The following CRACD variants were observed in gnomAD, a reference collection of about 807,000 sequenced individuals.
CRACD encodes capping protein inhibiting regulator of actin dynamics.
Under a neutral mutation model 106.8 loss-of-function variants are expected in CRACD, and 56 were observed. That is an observed-to-expected ratio of 0.52 (90% CI 0.42 to 0.66). The LOEUF (loss-of-function observed/expected upper bound fraction) is 0.66. Ranked by LOEUF, CRACD falls within the 30% of genes least tolerant of loss-of-function variation. CRACD has a pLI of 0.00. For synonymous variants in CRACD, 754 were observed against 670.8 expected (o/e 1.12, Z -1.92); for missense variants, 1,730 against 1,623.2 (o/e 1.07, Z -1.13).
At chr4:56,254,985 G>A (rs1741265434) in intron 2 of CRACD, among the ~76,000 whole-genome samples, 1 of 151,394 alleles carries the variant, frequency 6.6e-6, no homozygotes, top group Admixed American at 6.6e-5. Flanking sequence ...GTAGTGGCAG[G>A]CACCTATAGT....
rs369027870 is a variant in CRACD, at chr4:56,231,767, T to C, written c.-188-40554T>C. 3.3e-5 allele frequency among the ~76,000 whole-genome samples: 5 copies of C among 152,342 alleles called. No homozygotes were observed. The East Asian group carries it at 5.8e-4, about 18-fold the overall frequency. On this transcript the variant is annotated intron_variant, in intron 2 of 10. Transcript: ENST00000682029. ...ATGAGAAGAATTCTAGATGCTGCTG[T>C]TGGATTTCTTGATCTGGATGCTGGT...
chr4:56,257,630 G>C (rs1741445452), intron 2 of CRACD, among the ~76,000 whole-genome samples: 1 of 152,134 alleles, frequency 6.6e-6, no homozygotes, highest in Non-Finnish European at 1.5e-5. Flanking sequence ...AGGAGGTCAA[G>C]GTTGCAGTAA....
intron 1 of CRACD, among the ~76,000 whole-genome samples, chr4:56,168,084 A>G (rs1736216613): frequency 6.6e-6 from 1 of 152,138 alleles, no homozygotes; most frequent in South Asian, 2.1e-4. Context: ...TTCACTGACT[A>G]TGACCTCTAC....
intron 1 of CRACD, among the ~76,000 whole-genome samples, chr4:56,094,814 A>T (rs572309459): frequency 9.2e-5 from 14 of 152,264 alleles, no homozygotes; most frequent in Admixed American, 8.5e-4. Flanking sequence ...AAGATATGTT[A>T]TTGATTTTGT....
chr4:56,165,418 A>G (rs1326037101), intron 1 of CRACD, among the ~76,000 whole-genome samples: 5 of 152,194 alleles, frequency 3.3e-5, no homozygotes, highest in African/African-American at 7.2e-5. Flanking sequence ...CCAGGAAACC[A>G]TTGATTATTA....
At chr4:56,222,604 T>C (rs1041773005) in intron 2 of CRACD, among the ~76,000 whole-genome samples, 1 of 152,210 alleles carries the variant, frequency 6.6e-6, no homozygotes, top group Non-Finnish European at 1.5e-5. Context: ...TTATGCCTTT[T>C]TTAACTTTGA....
At chr4:56,278,197 C>T (rs1364007747) in intron 3 of CRACD, among the ~76,000 whole-genome samples, 1 of 152,026 alleles carries the variant, frequency 6.6e-6, no homozygotes, top group African/African-American at 2.4e-5. Context: ...CCCAGAATAG[C>T]CAAAACATTA....
At chr4:56,325,369 A>G (rs1746372542) in intron 10 of CRACD, among the ~76,000 whole-genome samples, 1 of 152,208 alleles carries the variant, frequency 6.6e-6, no homozygotes, top group Non-Finnish European at 1.5e-5. Context: ...AAAATGTTGT[A>G]TCTGAAAACC....
chr4:56,308,672 C>A, intron 5 of CRACD: 1 of 765,082 alleles, frequency 1.3e-6, no homozygotes, highest in Non-Finnish European at 1.6e-6. Flanking sequence ...AAAGGACATT[C>A]CTCCCCTGTT....
intron 2 of CRACD, among the ~76,000 whole-genome samples, chr4:56,250,819 A>G (rs544524452): frequency 3.3e-5 from 5 of 152,370 alleles, no homozygotes; most frequent in African/African-American, 1.2e-4. Context: ...TAAGTTTAAT[A>G]CAGTATACTA....
intron 3 of CRACD, among the ~76,000 whole-genome samples, chr4:56,274,677 A>C (rs1018399994): frequency 8.7e-6 from 1 of 115,466 alleles, no homozygotes; most frequent in Admixed American, 7.8e-5. Flanking sequence ...TATTTTAATT[A>C]AACCTTTTTA....
intron 2 of CRACD, among the ~76,000 whole-genome samples, chr4:56,263,351 G>A (rs1422992527): frequency 2.0e-5 from 3 of 152,190 alleles, no homozygotes; most frequent in East Asian, 3.8e-4. Flanking sequence ...ATAACATGGT[G>A]TATTAGTTTG....
chr4:56,267,124 G>GA (rs113193363), intron 2 of CRACD, among the ~76,000 whole-genome samples: 78,992 of 149,188 alleles, frequency 0.53, 21,044 homozygotes, highest in East Asian at 0.69. Flanking sequence ...ATTTATTTAA[G>GA]TTTTTTTTTT....
intron 3 of CRACD, among the ~76,000 whole-genome samples, chr4:56,279,559 G>A (rs1577848217): frequency 6.6e-6 from 1 of 152,060 alleles, no homozygotes; most frequent in Non-Finnish European, 1.5e-5. Flanking sequence ...ATCATCACTG[G>A]CCATCAGAGA....
chr4:56,141,862 T>A (rs7669202), intron 1 of CRACD, among the ~76,000 whole-genome samples: 1 of 150,340 alleles, frequency 6.7e-6, no homozygotes. Flanking sequence ...TTGGCTAGTT[T>A]AAAAAAAAAT....
chr4:56,309,067 A>G (rs911843708), intron 5 of CRACD: 7 of 464,338 alleles, frequency 1.5e-5, no homozygotes, highest in Non-Finnish European at 2.9e-5. Context: ...TCAGATCAAG[A>G]AAAATGCTGG....
chr4:56,092,377 C>G (rs936319304), intron 1 of CRACD, among the ~76,000 whole-genome samples: 1 of 152,098 alleles, frequency 6.6e-6, no homozygotes, highest in African/African-American at 2.4e-5. Flanking sequence ...CTGTGCTGTC[C>G]CAGTACCAGT....
chr4:56,294,913 C>CAAAAA (rs56200534), intron 3 of CRACD, among the ~76,000 whole-genome samples: 24 of 72,134 alleles, frequency 3.3e-4, no homozygotes, highest in Non-Finnish European at 4.4e-4. Flanking sequence ...GACCTTGTCT[C>CAAAAA]AAAAAAAAAA....
intron 1 of CRACD, among the ~76,000 whole-genome samples, chr4:56,094,173 C>A (rs78316201): frequency 0.013 from 2,005 of 152,238 alleles, 21 homozygotes; most frequent in East Asian, 0.065. Flanking sequence ...ATTCAAGATG[C>A]AATGAAAACT....
Sources: allele counts gnomAD v4.1 joint callset (sites outside exome capture counted in the v4.1 genomes callset), GRCh38; gene constraint gnomAD v4.1.1; transcripts MANE v1.5; gene names NCBI Gene and HGNC (gene_info 2026-07-23, HGNC 2026-07-21).